The following ARHGEF3 variants were observed in gnomAD, a reference collection of about 807,000 sequenced individuals.
ARHGEF3 encodes 59.8 kDA protein.
Under a neutral mutation model 63.2 loss-of-function variants are expected in ARHGEF3, and 28 were observed. That is an observed-to-expected ratio of 0.44 (90% CI 0.33 to 0.61). ARHGEF3 has a LOEUF of 0.61. Ranked by LOEUF, ARHGEF3 falls within the 20% of genes least tolerant of loss-of-function variation. The pLI is 0.03. For missense variants in ARHGEF3, 533 were observed against 659.3 expected, an observed-to-expected ratio of 0.81 and a Z score of 2.10; for synonymous variants, 266 against 254.2, an observed-to-expected ratio of 1.05 and a Z score of -0.44.
intron 2 of ARHGEF3, 125 bp downstream of exon 2, chr3:56,773,584 C>G (rs2107839770): frequency 1.2e-6 from 1 of 814,224 alleles, no homozygotes; most frequent in South Asian, 2.2e-5. Flanking sequence ...CACTTGCACT[C>G]TTCTATTGAA....
chr3:56,738,344 T>C (rs1303727578), intron 7 of ARHGEF3, among the ~76,000 whole-genome samples: 5 of 152,090 alleles, frequency 3.3e-5, no homozygotes, highest in African/African-American at 1.2e-4. Flanking sequence ...GGCCAATTTT[T>C]GTACTTTTGG....
intron 3 of ARHGEF3, among the ~76,000 whole-genome samples, chr3:56,925,311 T>C (rs976740051): frequency 6.6e-6 from 1 of 152,240 alleles, no homozygotes; most frequent in Non-Finnish European, 1.5e-5. Flanking sequence ...GAGTTGTCCC[T>C]GTTTCCCTGG....
intron 4 of ARHGEF3, among the ~76,000 whole-genome samples, chr3:56,870,784 TA>T (rs34074115): frequency 0.48 from 70,616 of 148,426 alleles, 16,960 homozygotes; most frequent in Non-Finnish European, 0.53. Flanking sequence ...AAAACTGCTC[TA>T]AAAAAAAAAA....
intron 4 of ARHGEF3, among the ~76,000 whole-genome samples, chr3:56,821,962 C>CGAGAAGAGAA (rs11278622): frequency 0.035 from 4,181 of 118,840 alleles, 110 homozygotes; most frequent in East Asian, 0.081. Flanking sequence ...GACTCTGTCT[C>CGAGAAGAGAA]GAGAAGAGAA....
chr3:56,997,305 T>C (rs1386834), intron 2 of ARHGEF3, among the ~76,000 whole-genome samples: 114,588 of 151,944 alleles, frequency 0.75, 43,433 homozygotes, highest in African/African-American at 0.8. Context: ...GCCTGTCCAC[T>C]CACATGCCCT....
At chr3:57,029,499 G>T (rs957842074) in intron 2 of ARHGEF3, among the ~76,000 whole-genome samples, 7 of 152,036 alleles carry the variant, frequency 4.6e-5, no homozygotes, top group African/African-American at 1.7e-4. Context: ...AAGGCTCAAA[G>T]ACCCAATCCA....
At chr3:57,014,198 G>A (rs113683945) in intron 2 of ARHGEF3, among the ~76,000 whole-genome samples, 37,199 of 152,008 alleles carry the variant, frequency 0.24, 5,086 homozygotes, top group Middle Eastern at 0.31. Context: ...CCACCAGAAG[G>A]AAAAAACTCC....
At chr3:56,979,229 T>A (rs926290141) in intron 2 of ARHGEF3, among the ~76,000 whole-genome samples, 1 of 152,246 alleles carries the variant, frequency 6.6e-6, no homozygotes, top group South Asian at 2.1e-4. Flanking sequence ...TATTCCACAT[T>A]GTGAAAATAT....
At chr3:56,879,051 C>T (rs908119858) in intron 4 of ARHGEF3, among the ~76,000 whole-genome samples, 2 of 152,172 alleles carry the variant, frequency 1.3e-5, no homozygotes, top group African/African-American at 4.8e-5. Context: ...ACTATTGTTA[C>T]CCCCAGATGG....
chr3:56,741,133 G>C (rs1174258467), intron 7 of ARHGEF3, among the ~76,000 whole-genome samples: 1 of 149,356 alleles, frequency 6.7e-6, no homozygotes, highest in Non-Finnish European at 1.5e-5. Context: ...ATAATGTTTT[G>C]TCTTTCTATC....
intron 2 of ARHGEF3, among the ~76,000 whole-genome samples, chr3:56,982,610 T>C (rs374984949): frequency 3.3e-5 from 5 of 152,332 alleles, no homozygotes; most frequent in African/African-American, 1.2e-4. Flanking sequence ...GTGGAGATTG[T>C]TGTCTACTTT....
chr3:57,053,691 A>G (rs942795410), intron 1 of ARHGEF3, among the ~76,000 whole-genome samples: 1 of 152,224 alleles, frequency 6.6e-6, no homozygotes, highest in Non-Finnish European at 1.5e-5. Context: ...GGTAACTGCT[A>G]TCTTGACTTC....
chr3:56,863,446 TG>T (rs2040146463), intron 4 of ARHGEF3, among the ~76,000 whole-genome samples: 1 of 152,280 alleles, frequency 6.6e-6, no homozygotes, highest in South Asian at 2.1e-4. Flanking sequence ...ATTACAGGTG[TG>T]TGCCACCATG....
intron 2 of ARHGEF3, among the ~76,000 whole-genome samples, chr3:56,973,264 G>A (rs374510811): frequency 1.6e-4 from 25 of 152,156 alleles, no homozygotes; most frequent in South Asian, 1.2e-3. Context: ...TGATCCGCGC[G>A]CCTCGGCCTC....
At chr3:57,038,736 C>T (rs550105720) in intron 1 of ARHGEF3, among the ~76,000 whole-genome samples, 4 of 152,308 alleles carry the variant, frequency 2.6e-5, no homozygotes, top group East Asian at 3.9e-4. Flanking sequence ...TCAGCCATCG[C>T]CTCAGACCTA....
intron 1 of ARHGEF3, among the ~76,000 whole-genome samples, chr3:57,041,141 T>G (rs1213378203): frequency 3.3e-5 from 5 of 152,232 alleles, no homozygotes; most frequent in Admixed American, 2.6e-4. Flanking sequence ...TCTCAAGGTC[T>G]TGCACATTCC....
At chr3:57,029,703 T>C (rs567123568) in intron 2 of ARHGEF3, among the ~76,000 whole-genome samples, 3 of 152,206 alleles carry the variant, frequency 2.0e-5, no homozygotes, top group East Asian at 3.9e-4. Flanking sequence ...TACCTAATCA[T>C]GTAAGGAGGA....
At chr3:56,958,146 T>A (rs1338424063) in intron 3 of ARHGEF3, among the ~76,000 whole-genome samples, 4 of 152,082 alleles carry the variant, frequency 2.6e-5, no homozygotes, top group African/African-American at 2.4e-5. Context: ...ACTCTACATT[T>A]CTGATTTCTT....
intron 2 of ARHGEF3, among the ~76,000 whole-genome samples, chr3:56,991,906 C>T (rs766944157): frequency 1.3e-5 from 2 of 152,176 alleles, no homozygotes; most frequent in African/African-American, 4.8e-5. Context: ...TGAGCCACCG[C>T]GCCCGGCCCA....
Sources: allele counts gnomAD v4.1 joint callset (sites outside exome capture counted in the v4.1 genomes callset), GRCh38; gene constraint gnomAD v4.1.1; transcripts MANE v1.5; gene names NCBI Gene and HGNC (gene_info 2026-07-23, HGNC 2026-07-21).